Variants in TEX9 observed in about 807,000 individuals in gnomAD.
TEX9 encodes testis-expressed protein 9.
In TEX9, 74 loss-of-function variants were observed where a neutral mutation model predicts 59.6. The observed-to-expected ratio is 1.24, with a 90% CI of 1.03 to 1.51. TEX9 has a LOEUF of 1.51. TEX9 is among the 40% of genes most tolerant of loss of function. TEX9 has a pLI of 0.00. For synonymous variants in TEX9, 186 were observed against 152.2 expected, an observed-to-expected ratio of 1.22 and a Z score of -1.64; for missense variants, 522 against 447.8, an observed-to-expected ratio of 1.17 and a Z score of -1.49.
chr15:56,418,278 A>G (rs1436918958), intron 10 of TEX9, among the ~76,000 whole-genome samples: 1 of 151,722 alleles, frequency 6.6e-6, no homozygotes, highest in Non-Finnish European at 1.5e-5. Flanking sequence ...AGTGACATTG[A>G]TCTGTGTGGT....
chr15:56,317,147 G>A (rs2045794165), intron 1 of TEX9, among the ~76,000 whole-genome samples: 1 of 152,196 alleles, frequency 6.6e-6, no homozygotes, highest in African/African-American at 2.4e-5. Context: ...GACCGGAGCT[G>A]TTCCTATTTG....
chr15:56,391,242 G>A lies in TEX9; in HGVS notation c.396-1G>A. The A allele has an allele frequency of 6.5e-7, 1 of 1,539,584 alleles. No homozygotes were observed. The highest frequency in any genetic ancestry group is 8.7e-7 in the Non-Finnish European group (1 of 1,147,398). On this transcript the variant is annotated splice_acceptor_variant, in intron 6 of 12. Transcript: ENST00000352903. LOFTEE classifies it high-confidence loss of function. Reference sequence around the variant, plus strand: ...ATATGTATTTAATTTTTATTTTTTAGTGTTAAATTGAAATACTCTGATGTC... The same window carrying A: ...ATATGTATTTAATTTTTATTTTTTAATGTTAAATTGAAATACTCTGATGTC...
At chr15:56,406,059 A>T (rs374190585) in intron 9 of TEX9, among the ~76,000 whole-genome samples, 1 of 152,154 alleles carries the variant, frequency 6.6e-6, no homozygotes, top group East Asian at 1.9e-4. Context: ...AAGATAATGA[A>T]AATTTATATT....
At chr15:56,275,475 G>C (rs140417591) in intron 1 of TEX9, among the ~76,000 whole-genome samples, 2 of 152,098 alleles carry the variant, frequency 1.3e-5, no homozygotes, top group African/African-American at 4.8e-5. Flanking sequence ...GTGCAAATTC[G>C]TGTCATGTAC....
chr15:56,324,089 A>G (rs2141718084), intron 1 of TEX9, among the ~76,000 whole-genome samples: 1 of 152,220 alleles, frequency 6.6e-6, no homozygotes, highest in Admixed American at 6.5e-5. Context: ...CACAGCACAA[A>G]TTAGTTATAT....
At chr15:56,278,876 A>G (rs1425846804) in intron 1 of TEX9, among the ~76,000 whole-genome samples, 6 of 152,076 alleles carry the variant, frequency 3.9e-5, no homozygotes, top group African/African-American at 1.4e-4. Flanking sequence ...CAAGCTTAGA[A>G]TTAGCAAATT....
Position 56,412,357 on chromosome 15 carries a change from CAG to C in TEX9, c.887_888del (p.Glu296GlyfsTer5), listed in dbSNP as rs755802378. ...CAGGCTGCAAGTAGTCAAAGTGCCA[CAG>C]AGGTTCGCTTGAATAGAGCTCTAGA... On this transcript the variant is annotated frameshift_variant, in exon 10 of 13. Coordinates refer to ENST00000352903, the Ensembl canonical transcript of TEX9. LOFTEE classifies it high-confidence loss of function. The C allele has an allele frequency of 6.2e-7, 1 of 1,613,398 alleles. No homozygotes were observed. The highest frequency in any genetic ancestry group is 2.2e-5 in the East Asian group (1 of 44,874).
chr15:56,342,177 C>A (rs1258708592), intron 1 of TEX9, among the ~76,000 whole-genome samples: 1 of 152,066 alleles, frequency 6.6e-6, no homozygotes, highest in Non-Finnish European at 1.5e-5. Flanking sequence ...CTCTTGTGGT[C>A]CCATAAAAAT....
At chr15:56,361,773 G>A (rs1434264991), upstream of TEX9, among the ~76,000 whole-genome samples, 3 of 152,310 alleles carry the variant, frequency 2.0e-5, no homozygotes, top group Non-Finnish European at 4.4e-5. Context: ...CAGGGGAAAT[G>A]CTACATGATT....
chr15:56,382,073 A>G (rs2047754852), intron 3 of TEX9, among the ~76,000 whole-genome samples: 1 of 152,198 alleles, frequency 6.6e-6, no homozygotes, highest in Non-Finnish European at 1.5e-5. Context: ...GGACTACAAC[A>G]TAAAGTCCTT....
rs55885249 is a variant in TEX9 at position 56,432,542 on chromosome 15, C to T, written c.*29+4069C>T. On this transcript the variant is annotated intron_variant, in intron 12 of 12. Transcript: ENST00000352903. The stretch of plus-strand genomic sequence containing the variant: ...AGAACAAAAATGTTGCCCAATCAAA[C>T]GGACAAAACTAAGCCGACAGCTTCA... Among the ~76,000 whole-genome samples, 677 of 152,186 alleles carry T rather than the reference C, an allele frequency of 4.4e-3. 13 individuals are homozygous for T. Among genetic ancestry groups the T allele is most frequent in the African/African-American group, 0.016 (659 of 41,544 alleles).
At chr15:56,363,083 G>T (rs1476275081), upstream of TEX9, among the ~76,000 whole-genome samples, 1 of 152,110 alleles carries the variant, frequency 6.6e-6, no homozygotes, top group East Asian at 1.9e-4. Context: ...TCATGTGGGT[G>T]TGTTTTCATT....
chr15:56,373,882 A>G (rs1328077925), intron 3 of TEX9, among the ~76,000 whole-genome samples: 2 of 152,142 alleles, frequency 1.3e-5, no homozygotes, highest in South Asian at 2.1e-4. Context: ...CCTATGCCCC[A>G]AAATGGAGTT....
chr15:56,406,905 C>A (rs1483256972), intron 9 of TEX9, among the ~76,000 whole-genome samples: 1 of 152,100 alleles, frequency 6.6e-6, no homozygotes, highest in African/African-American at 2.4e-5. Flanking sequence ...TTTCAAAAGA[C>A]AGCAGTTTTA....
rs1014291278 is a variant in TEX9, at chr15:56,247,762, A to G, written c.-107+3484A>G. Among the ~76,000 whole-genome samples the G allele has an allele frequency of 2.6e-5, 4 of 152,212 alleles. No homozygotes were observed. In the South Asian group the frequency reaches 6.2e-4, roughly 24 times the overall value. On this transcript the variant is annotated intron_variant, in intron 1 of 5. Transcript: ENST00000560827. ...TGCTGAAAGTATACATTTCACTTCC[A>G]CAAAGTATGGTGGTTTACCAGATAT...
intron 9 of TEX9, among the ~76,000 whole-genome samples, chr15:56,399,908 G>T (rs1216743646): frequency 6.6e-6 from 1 of 152,190 alleles, no homozygotes; most frequent in Non-Finnish European, 1.5e-5. Flanking sequence ...CTGTTACAGG[G>T]AAAGCTAACA....
At chr15:56,459,025 T>A in the TEX9 span, among the ~76,000 whole-genome samples, 45,526 of 152,176 alleles carry the variant, frequency 0.3, 7,281 homozygotes, top group Middle Eastern at 0.48. Flanking sequence ...TGTGTGTACA[T>A]TTGTGTGTGG....
rs551380923 is a variant in TEX9, at chr15:56,392,370, A to T, written c.571+952A>T. On this transcript the variant is annotated intron_variant, in intron 7 of 12. Coordinates refer to ENST00000352903, the Ensembl canonical transcript of TEX9. ...GGAGTGAGGCATCTCACACGGTGGG[A>T]TCACGAACAAGAGACGGGGGAGGTG... 2.6e-5 allele frequency among the ~76,000 whole-genome samples: 4 copies of T among 152,218 alleles called. No individual in the cohort carries two copies. In the East Asian group the frequency reaches 7.7e-4, roughly 29 times the overall value.
intron 10 of TEX9, among the ~76,000 whole-genome samples, chr15:56,423,662 C>T (rs1347473768): frequency 2.6e-5 from 4 of 152,096 alleles, no homozygotes; most frequent in African/African-American, 9.7e-5. Flanking sequence ...TGTACCCATT[C>T]ACAGCCACTC....
Sources: allele counts gnomAD v4.1 joint callset (sites outside exome capture counted in the v4.1 genomes callset), GRCh38; gene constraint gnomAD v4.1.1; transcripts MANE v1.5; gene names NCBI Gene and HGNC (gene_info 2026-07-23, HGNC 2026-07-21).